The following IL16 variants were observed in gnomAD, a reference collection of about 807,000 sequenced individuals.
The protein encoded by IL16 is pro-interleukin-16.
A neutral mutation model predicts 110.1 loss-of-function variants in IL16; 67 were observed. The ratio of observed to expected loss-of-function variants is 0.61; its 90% CI spans 0.50 to 0.75. The LOEUF (loss-of-function observed/expected upper bound fraction) is 0.75, where lower values mean the gene tolerates loss of function less well. Among genes scored for constraint, IL16 ranks in the 30% least tolerant of loss-of-function variants. The pLI is 0.00. For synonymous variants in IL16, 689 were observed against 662.9 expected (o/e 1.04, Z -0.61); for missense variants, 1,545 against 1,655.0 (o/e 0.93, Z 1.15).
intron 12 of IL16, chr15:81,295,623 T>C (rs1899946869): frequency 1.6e-6 from 1 of 623,446 alleles, no homozygotes. Flanking sequence ...TCAGCCTTAC[T>C]TTTTTTAAGG....
At position 81,292,658 on chromosome 15, in the gene IL16, T is replaced by G. The variant is rs1899787160; in HGVS notation, c.1523T>G (p.Ile508Ser). 6.2e-7 allele frequency: 1 copy of G among 1,613,838 alleles called. No individual in the cohort carries two copies. The highest frequency in any genetic ancestry group is 1.7e-5 in the Admixed American group (1 of 59,976). Residue 508 changes from isoleucine (I) to serine (S), a missense_variant, in exon 12 of 19, where the codon ATC becomes AGC. Transcript: ENST00000683961. ...PPHRRAQKVMIRSSSDSSYMS... is the reference protein window; with the variant it reads ...PPHRRAQKVMSRSSSDSSYMS... ...CATCGCAGGGCTCAGAAGGTCATGA[T>G]CCGCTCCAGCAGTGACAGCAGCTAC...
chr15:81,296,629 C>T (rs572721118), intron 12 of IL16, among the ~76,000 whole-genome samples: 4 of 152,234 alleles, frequency 2.6e-5, no homozygotes, highest in South Asian at 4.1e-4. Flanking sequence ...AGTCCCTCCA[C>T]ACTCAAAGCC....
intron 2 of IL16, among the ~76,000 whole-genome samples, chr15:81,233,323 T>C (rs1897072123): frequency 6.6e-6 from 1 of 152,104 alleles, no homozygotes; most frequent in African/African-American, 2.4e-5. Context: ...ATGCAAACCA[T>C]TAACGTTACT....
At chr15:81,259,529 T>C (rs1193331632) in intron 2 of IL16, among the ~76,000 whole-genome samples, 1 of 152,234 alleles carries the variant, frequency 6.6e-6, no homozygotes, top group Non-Finnish European at 1.5e-5. Context: ...ATTCAATTTG[T>C]GTCGCATTAG....
At chr15:81,243,159 A>ATTTTTTTTTTT in intron 2 of IL16, among the ~76,000 whole-genome samples, 1 of 33,030 alleles carries the variant, frequency 3.0e-5, no homozygotes, top group Non-Finnish European at 5.8e-5. Flanking sequence ...ATATATATAT[A>ATTTTTTTTTTT]TATATTTTTT....
intron 1 of IL16, among the ~76,000 whole-genome samples, chr15:81,185,966 G>T (rs923739422): frequency 1.3e-5 from 2 of 152,182 alleles, no homozygotes; most frequent in Non-Finnish European, 2.9e-5. Context: ...TGTTTTTCTT[G>T]CAGCATCTTA....
chr15:81,306,372 G>A (rs1179519357), intron 17 of IL16, 48 bp from the exon 18 acceptor site: 1 of 1,606,426 alleles, frequency 6.2e-7, no homozygotes. Context: ...GGCATCTGTG[G>A]CCTGGGAGAG....
intron 6 of IL16, among the ~76,000 whole-genome samples, chr15:81,277,763 T>C (rs1898978895): frequency 6.6e-6 from 1 of 152,128 alleles, no homozygotes; most frequent in Non-Finnish European, 1.5e-5. Context: ...ATGGATCATA[T>C]ACAATGGAAC....
At chr15:81,199,033 ATATATATAT>A (rs1895713114) in intron 1 of IL16, among the ~76,000 whole-genome samples, 4 of 88,148 alleles carry the variant, frequency 4.5e-5, no homozygotes, top group East Asian at 7.3e-4. Context: ...AAAAAAAAAT[ATATATATAT>A]ATATATATAT....
intron 4 of IL16, among the ~76,000 whole-genome samples, chr15:81,268,453 C>T (rs1392069987): frequency 6.6e-6 from 1 of 152,260 alleles, no homozygotes; most frequent in Non-Finnish European, 1.5e-5. Flanking sequence ...TCATCTAATT[C>T]ATAGCAACAG....
intron 1 of IL16, among the ~76,000 whole-genome samples, chr15:81,207,635 C>G (rs897996801): frequency 1.3e-5 from 2 of 150,508 alleles, no homozygotes; most frequent in African/African-American, 4.9e-5. Context: ...TTTTTTGTTT[C>G]TACATTAATT....
intron 3 of IL16, among the ~76,000 whole-genome samples, chr15:81,265,122 C>T (rs1026358701): frequency 1.4e-4 from 21 of 152,162 alleles, no homozygotes; most frequent in African/African-American, 4.8e-4. Context: ...GGAAGCCTGT[C>T]GCTTTGCATT....
intron 1 of IL16, among the ~76,000 whole-genome samples, 200 bp from the exon 2 acceptor site, chr15:81,225,099 G>A (rs184868576): frequency 6.6e-6 from 1 of 152,152 alleles, no homozygotes; most frequent in Admixed American, 6.6e-5. Context: ...CACTGGGAGT[G>A]GAGTGGGTGT....
chr15:81,294,687 C>T (rs951394032), intron 12 of IL16, among the ~76,000 whole-genome samples: 38 of 152,160 alleles, frequency 2.5e-4, no homozygotes, highest in African/African-American at 8.7e-4. Context: ...GTCTGTCCCA[C>T]GTGGCCAGCA....
At chr15:81,282,331 G>A (rs531271572) in intron 8 of IL16, among the ~76,000 whole-genome samples, 8 of 152,272 alleles carry the variant, frequency 5.3e-5, no homozygotes, top group South Asian at 2.1e-4. Context: ...CACATTCTGC[G>A]TACATTCACC....
intron 3 of IL16, among the ~76,000 whole-genome samples, chr15:81,265,269 C>G (rs924731084): frequency 6.6e-6 from 1 of 152,272 alleles, no homozygotes; most frequent in East Asian, 1.9e-4. Context: ...TGCTTGTCCT[C>G]GGAAACCTTT....
chr15:81,281,271 A>G (rs1899162573), intron 8 of IL16, among the ~76,000 whole-genome samples: 1 of 152,224 alleles, frequency 6.6e-6, no homozygotes. Flanking sequence ...TCTGTAAATC[A>G]TACGTGTCGA....
At chr15:81,194,478 T>C (rs1465292721), upstream of IL16, among the ~76,000 whole-genome samples, 1 of 151,352 alleles carries the variant, frequency 6.6e-6, no homozygotes, top group Non-Finnish European at 1.5e-5. Context: ...TTTTTAAAAA[T>C]TAAATTAGAA....
intron 18 of IL16, 186 bp downstream of exon 18, chr15:81,306,731 C>T: frequency 1.4e-6 from 1 of 701,076 alleles, no homozygotes; most frequent in South Asian, 1.5e-5. Flanking sequence ...CTCAGACATC[C>T]CCTCAATCCC....
Sources: allele counts gnomAD v4.1 joint callset (sites outside exome capture counted in the v4.1 genomes callset), GRCh38; gene constraint gnomAD v4.1.1; transcripts MANE v1.5; gene names NCBI Gene and HGNC (gene_info 2026-07-23, HGNC 2026-07-21).